The following STK3 variants were observed in gnomAD, a reference collection of about 807,000 sequenced individuals.
STK3 encodes serine/threonine kinase 3.
Under a neutral mutation model 58.0 loss-of-function variants are expected in STK3, and 41 were observed. The observed-to-expected ratio is 0.71, with a 90% CI of 0.55 to 0.92. STK3 has a LOEUF of 0.92. Ranked by LOEUF, STK3 falls within the 40% of genes least tolerant of loss-of-function variation. STK3 has a pLI of 0.00. For synonymous variants in STK3, 170 were observed against 191.0 expected, an observed-to-expected ratio of 0.89 and a Z score of 0.91; for missense variants, 479 against 602.7, an observed-to-expected ratio of 0.79 and a Z score of 2.15.
intron 10 of STK3, among the ~76,000 whole-genome samples, chr8:98,469,023 C>T (rs539443349): frequency 7.9e-5 from 12 of 151,958 alleles, no homozygotes; most frequent in African/African-American, 2.7e-4. Flanking sequence ...GCAGCAGAAT[C>T]GCTTGAACCT....
chr8:98,474,119 C>T lies in STK3; in HGVS notation c.1318-18119G>A, dbSNP rs370228519. Among the ~76,000 whole-genome samples the T allele has an allele frequency of 3.9e-5, 6 of 152,268 alleles. No individual in the cohort carries two copies. The South Asian group carries it at 8.3e-4, about 21-fold the overall frequency. ...CCTACCATATTCAAATGTTGCCATG[C>T]CTTGTGGTGTTCATACTACTTACCA... On this transcript the variant is annotated intron_variant, in intron 10 of 10. Coordinates refer to ENST00000419617, the MANE Select transcript of STK3 (RefSeq NM_006281.4).
chr8:98,906,989 T>TAAAAAAAAAAA lies in STK3; in HGVS notation c.-78-23166_-78-23156dup, dbSNP rs3085954. Reference sequence around the variant, plus strand: ...ATAGGGATAACCCCATCTCTACCAATAAAAAAAAAAAAAAAAAAATTAGCC... The same window carrying TAAAAAAAAAAA: ...ATAGGGATAACCCCATCTCTACCAATAAAAAAAAAAAAAAAAAAAAAAAAAAAAAATTAGCC... On this transcript the variant is annotated intron_variant, in intron 1 of 1. Transcript: ENST00000519420. 1.5e-3 allele frequency among the ~76,000 whole-genome samples: 138 copies of TAAAAAAAAAAA among 94,750 alleles called. 2 individuals carry two copies. Among genetic ancestry groups the TAAAAAAAAAAA allele is most frequent in the African/African-American group, 5.7e-3 (136 of 23,904 alleles). The allele number at this position is 94,750 out of a possible 152,430, so 62.2% of individuals were successfully genotyped here. A position where few individuals can be genotyped will look rare whatever the true frequency, so the allele number is the denominator to read the frequency against.
At chr8:98,657,350 C>T in intron 6 of STK3, among the ~76,000 whole-genome samples, 1 of 151,850 alleles carries the variant, frequency 6.6e-6, no homozygotes, top group East Asian at 1.9e-4. Context: ...GTTGATTTAC[C>T]AAAGGTAAAA....
chr8:98,757,635 A>C (rs1181725462), intron 3 of STK3, among the ~76,000 whole-genome samples: 2 of 151,124 alleles, frequency 1.3e-5, no homozygotes, highest in Non-Finnish European at 2.9e-5. Flanking sequence ...ATAGGCTCAG[A>C]CAGTTCAAGA....
intron 6 of STK3, among the ~76,000 whole-genome samples, chr8:98,605,433 C>CTT (rs1008693603): frequency 2.7e-4 from 36 of 132,830 alleles, no homozygotes; most frequent in African/African-American, 4.7e-4. Context: ...GCAAGCACAC[C>CTT]TTTTTTTTTT....
intron 9 of STK3, among the ~76,000 whole-genome samples, chr8:98,542,874 A>G (rs558833487): frequency 1.6e-4 from 24 of 152,328 alleles, no homozygotes; most frequent in African/African-American, 4.8e-4. Context: ...CACAATTACT[A>G]AATGATTTGG....
chr8:98,730,672 T>C (rs974221822), intron 4 of STK3, among the ~76,000 whole-genome samples: 14 of 133,372 alleles, frequency 1.0e-4, no homozygotes, highest in African/African-American at 4.1e-4. Context: ...GCCAAGATAG[T>C]GCCACTGCAC....
At chr8:98,523,282 T>C (rs1169230567) in intron 10 of STK3, among the ~76,000 whole-genome samples, 1 of 152,212 alleles carries the variant, frequency 6.6e-6, no homozygotes, top group Non-Finnish European at 1.5e-5. Flanking sequence ...GATATGCATT[T>C]CTCTAATGAT....
At chr8:98,927,882 C>T (rs1839860856) in intron 1 of STK3, among the ~76,000 whole-genome samples, 1 of 152,144 alleles carries the variant, frequency 6.6e-6, no homozygotes, top group Non-Finnish European at 1.5e-5. Flanking sequence ...AAGAGATCCT[C>T]ATGATATGGT....
At chr8:98,423,421 TGGA>T (rs754741624) in intron 3 of STK3, among the ~76,000 whole-genome samples, 4 of 152,178 alleles carry the variant, frequency 2.6e-5, no homozygotes, top group Non-Finnish European at 5.9e-5. Context: ...GCACAGCTGG[TGGA>T]GAAGAGAGCA....
intron 6 of STK3, among the ~76,000 whole-genome samples, chr8:98,696,101 C>T (rs1011772327): frequency 1.4e-4 from 22 of 152,120 alleles, no homozygotes; most frequent in Admixed American, 9.2e-4. Context: ...GTTGGATTCC[C>T]AGGTATTTTA....
chr8:98,907,998 C>T (rs1838983016), intron 1 of STK3, among the ~76,000 whole-genome samples: 1 of 152,186 alleles, frequency 6.6e-6, no homozygotes, highest in African/African-American at 2.4e-5. Context: ...CTCTACTCCC[C>T]TTTATCTCCT....
chr8:98,846,334 A>G (rs953769062), intron 3 of STK3, among the ~76,000 whole-genome samples: 46 of 152,228 alleles, frequency 3.0e-4, no homozygotes, highest in Non-Finnish European at 5.9e-4. Flanking sequence ...AGGCCAAGGA[A>G]TAGAGCTGAC....
intron 4 of STK3, among the ~76,000 whole-genome samples, chr8:98,711,220 A>C (rs545443327): frequency 7.9e-5 from 12 of 152,254 alleles, no homozygotes; most frequent in Admixed American, 2.6e-4. Context: ...CTCTAAAAAT[A>C]AGAGTGCCTC....
intron 6 of STK3, among the ~76,000 whole-genome samples, chr8:98,645,696 G>C (rs552688039): frequency 5.3e-5 from 8 of 152,200 alleles, no homozygotes; most frequent in Non-Finnish European, 5.9e-5. Flanking sequence ...AGTAAACACT[G>C]ATTGAATAGA....
At position 98,641,809 on chromosome 8, in the gene STK3, A is replaced by C. The variant is rs553891535; in HGVS notation, c.685-45640T>G. Among the ~76,000 whole-genome samples the C allele has an allele frequency of 4.6e-5, 7 of 152,308 alleles. No individual in the cohort carries two copies. In the East Asian group the frequency reaches 1.4e-3, roughly 29 times the overall value. On this transcript the variant is annotated intron_variant, in intron 6 of 10. Coordinates refer to ENST00000419617, the MANE Select transcript of STK3 (RefSeq NM_006281.4). ...AGATGTTACTGAGTACAACATCACA[A>C]GGAGTATAATTCTCTCTGCCTATAA...
At chr8:98,778,084 G>A (rs1472473519) in intron 1 of STK3, among the ~76,000 whole-genome samples, 3 of 151,728 alleles carry the variant, frequency 2.0e-5, no homozygotes, top group Non-Finnish European at 4.4e-5. Flanking sequence ...CCATCAGAGT[G>A]AACAGGCAAC....
chr8:98,692,041 T>C (rs376883505), intron 6 of STK3, among the ~76,000 whole-genome samples: 170 of 152,088 alleles, frequency 1.1e-3, no homozygotes, highest in African/African-American at 2.4e-3. Flanking sequence ...TCACTAGTCA[T>C]CAGAGAAATG....
Position 98,428,044 on chromosome 8 carries a change from A to T in STK3, n.483+6083T>A. 1 of 1,611,362 alleles carries T rather than the reference A, an allele frequency of 6.2e-7. No homozygotes were observed. Among genetic ancestry groups the T allele is most frequent in the Non-Finnish European group, 8.5e-7 (1 of 1,178,614 alleles). On this transcript the variant is annotated intron_variant and non_coding_transcript_variant, in intron 3 of 3. Coordinates refer to the STK3 transcript ENST00000517832. The surrounding 1 kb of genome is among the most constrained non-coding windows in gnomAD (Gnocchi z 6.7). ...GTCGAGGACGGGGAGATCCGCATCA[A>T]TGTGGGCGGCTTCAAGAGGAGGCTG...
Sources: gnomAD v4.1 joint callset for allele counts (sites outside exome capture counted in the v4.1 genomes callset) on GRCh38, gnomAD v4.1.1 for gene constraint, Gnocchi (gnomAD v3.1) non-coding constraint, MANE v1.5 for transcripts, NCBI Gene and HGNC (gene_info 2026-07-23, HGNC 2026-07-21) for gene names.